Variants in FAM107B observed in about 807,000 individuals in gnomAD.
The protein encoded by FAM107B is family with sequence similarity 107 member B.
A neutral mutation model predicts 31.5 loss-of-function variants in FAM107B; 21 were observed. The ratio of observed to expected loss-of-function variants is 0.67; its 90% confidence interval spans 0.47 to 0.96. The LOEUF (loss-of-function observed/expected upper bound fraction) is 0.96. Ranked by LOEUF, FAM107B falls within the 40% of genes least tolerant of loss-of-function variation. FAM107B has a pLI of 0.00. For missense variants in FAM107B, 452 were observed against 377.1 expected (o/e 1.20, Z -1.64); for synonymous variants, 157 against 141.5 (o/e 1.11, Z -0.78).
At chr10:14,690,219 A>G (rs1282227792) in intron 1 of FAM107B, among the ~76,000 whole-genome samples, 2 of 152,188 alleles carry the variant, frequency 1.3e-5, no homozygotes, top group Non-Finnish European at 2.9e-5. Context: ...TAAGTGACGG[A>G]GGAGAGTGAG....
chr10:14,607,258 T>C (rs1261047648), intron 2 of FAM107B, among the ~76,000 whole-genome samples: 1 of 152,164 alleles, frequency 6.6e-6, no homozygotes, highest in Non-Finnish European at 1.5e-5. Context: ...TAAGAGCAAA[T>C]ATTTACTTTG....
chr10:14,564,786 T>C (rs1850524892), intron 2 of FAM107B, among the ~76,000 whole-genome samples: 1 of 152,232 alleles, frequency 6.6e-6, no homozygotes, highest in South Asian at 2.1e-4. Context: ...ACAATCCAAC[T>C]GAAAGGCCCA....
At chr10:14,737,990 C>G (rs1856348517) in intron 1 of FAM107B, among the ~76,000 whole-genome samples, 2 of 152,284 alleles carry the variant, frequency 1.3e-5, no homozygotes, top group South Asian at 4.1e-4. Flanking sequence ...GACACAGCAG[C>G]CGCTAATGCC....
intron 2 of FAM107B, among the ~76,000 whole-genome samples, chr10:14,561,870 C>T (rs1202647345): frequency 2.6e-5 from 4 of 152,150 alleles, no homozygotes; most frequent in African/African-American, 7.2e-5. Context: ...CTGCAACCTC[C>T]GCCTCCAGGG....
intron 1 of FAM107B, among the ~76,000 whole-genome samples, chr10:14,703,770 C>T (rs979014275): frequency 2.0e-5 from 3 of 152,202 alleles, no homozygotes; most frequent in Admixed American, 1.3e-4. Context: ...TCAGGAAAAG[C>T]TTCCAGTTTT....
rs138067097 is a variant in FAM107B, at chr10:14,556,632, G to A, written c.470-26117C>T. Among the ~76,000 whole-genome samples the A allele has an allele frequency of 2.6e-4, 40 of 152,324 alleles. 1 individual carries two copies. The East Asian group carries it at 6.6e-3, about 25-fold the overall frequency. On this transcript the variant is annotated intron_variant, in intron 2 of 4. Coordinates refer to ENST00000181796, the MANE Select transcript of FAM107B (RefSeq NM_031453.4). Reference sequence around the variant, plus strand: ...CCACAAGCCACACCTGGCTTCACAAGGCATCCTGCCATGGAACAGCAGGCA... The same window carrying A: ...CCACAAGCCACACCTGGCTTCACAAAGCATCCTGCCATGGAACAGCAGGCA...
intron 2 of FAM107B, among the ~76,000 whole-genome samples, chr10:14,644,643 A>G (rs1024688481): frequency 6.6e-6 from 1 of 152,222 alleles, no homozygotes; most frequent in African/African-American, 2.4e-5. Context: ...CAATTTCTTT[A>G]CCCATAAAGT....
chr10:14,620,260 G>A (rs923680293), intron 2 of FAM107B, among the ~76,000 whole-genome samples: 59 of 152,032 alleles, frequency 3.9e-4, no homozygotes, highest in African/African-American at 1.3e-3. Flanking sequence ...CTCGTGATCC[G>A]CCCACCTTGG....
chr10:14,674,647 C>A (rs1320547669), intron 1 of FAM107B, among the ~76,000 whole-genome samples: 1 of 152,162 alleles, frequency 6.6e-6, no homozygotes, highest in African/African-American at 2.4e-5. Context: ...CGTTAACTCC[C>A]CAAGCAAGTT....
chr10:14,634,399 C>CA lies in FAM107B; in HGVS notation c.469+33234dup, dbSNP rs59139195. Among the ~76,000 whole-genome samples the CA allele has an allele frequency of 7.7e-3, 894 of 116,540 alleles. 8 individuals carry two copies. The highest frequency in any genetic ancestry group is 0.031 in the East Asian group (126 of 4,088). The allele number at this position is 116,540 out of a possible 152,430, so 76.5% of individuals were successfully genotyped here. Reference sequence around the variant, plus strand: ...TGGACCACAGAGCGAGACTCTGTCTCAAAAAAAAAAAAAAAAAAATTCAAA... The same window carrying CA: ...TGGACCACAGAGCGAGACTCTGTCTCAAAAAAAAAAAAAAAAAAAATTCAAA... On this transcript the variant is annotated intron_variant, in intron 2 of 4. Transcript: ENST00000181796.
rs187506995 is a variant in FAM107B at position 14,648,840 on chromosome 10, C to T, written c.469+18794G>A. ...TCATTCCATAAATATTTATCGAGGA[C>T]TTGGTTCTATGTGCACTGCATGGAT... On this transcript the variant is annotated intron_variant, in intron 2 of 4. Transcript: ENST00000181796. Among the ~76,000 whole-genome samples, 19 of 152,252 alleles carry T rather than the reference C, an allele frequency of 1.2e-4. No individual in the cohort carries two copies. The East Asian group carries it at 3.3e-3, about 26-fold the overall frequency.
At chr10:14,745,433 C>T (rs1832705762) in intron 1 of FAM107B, among the ~76,000 whole-genome samples, 1 of 152,046 alleles carries the variant, frequency 6.6e-6, no homozygotes, top group Non-Finnish European at 1.5e-5. Context: ...TTGATGTAGG[C>T]ATTTAGTTCT....
At chr10:14,748,020 G>A (rs1832760763) in intron 1 of FAM107B, among the ~76,000 whole-genome samples, 1 of 152,094 alleles carries the variant, frequency 6.6e-6, no homozygotes, top group East Asian at 1.9e-4. Flanking sequence ...CCTTTGCCCT[G>A]GCAATTCCCA....
chr10:14,764,957 G>A (rs955425935), intron 1 of FAM107B, among the ~76,000 whole-genome samples: 14 of 152,196 alleles, frequency 9.2e-5, no homozygotes, highest in African/African-American at 3.4e-4. Flanking sequence ...GGCCACTGCC[G>A]ATGAAGGACG....
At chr10:14,666,111 T>C (rs1428017986) in intron 2 of FAM107B, among the ~76,000 whole-genome samples, 1 of 152,226 alleles carries the variant, frequency 6.6e-6, no homozygotes, top group Non-Finnish European at 1.5e-5. Context: ...AGACTGGTAA[T>C]GTCCCTGCTC....
At chr10:14,669,098 T>C (rs897647023) in intron 1 of FAM107B, among the ~76,000 whole-genome samples, 1 of 152,176 alleles carries the variant, frequency 6.6e-6, no homozygotes, top group Non-Finnish European at 1.5e-5. Context: ...CCAGTTGTGG[T>C]GGCTGACACC....
rs186407776 is a variant in FAM107B at position 14,747,479 on chromosome 10, A to G, written c.411+26774T>C. 9.9e-5 allele frequency among the ~76,000 whole-genome samples: 15 copies of G among 151,992 alleles called. No homozygotes were observed. In the East Asian group the frequency reaches 2.9e-3, roughly 29 times the overall value. On this transcript the variant is annotated intron_variant, in intron 1 of 4. Coordinates refer to ENST00000181796, the MANE Select transcript of FAM107B (RefSeq NM_031453.4). ...GGCTTTTGGATGGAGTTTTGTAAGGATTTTTTTGTTGATGCTGTTGTTGTT... is the reference window on the plus strand; with the variant it reads ...GGCTTTTGGATGGAGTTTTGTAAGGGTTTTTTTGTTGATGCTGTTGTTGTT...
chr10:14,685,310 C>A (rs549592649), intron 1 of FAM107B, among the ~76,000 whole-genome samples: 1 of 151,734 alleles, frequency 6.6e-6, no homozygotes, highest in East Asian at 1.9e-4. Flanking sequence ...CACCATGACC[C>A]GCTAATTTTT....
At chr10:14,583,344 A>G (rs1190256895) in intron 2 of FAM107B, among the ~76,000 whole-genome samples, 2 of 152,114 alleles carry the variant, frequency 1.3e-5, no homozygotes, top group Non-Finnish European at 2.9e-5. Flanking sequence ...CGCGGGGCAG[A>G]GTCGGAGATG....
Sources: allele counts gnomAD v4.1 joint callset (sites outside exome capture counted in the v4.1 genomes callset), GRCh38; gene constraint gnomAD v4.1.1; transcripts MANE v1.5; gene names NCBI Gene and HGNC (gene_info 2026-07-23, HGNC 2026-07-21).